Variants in LEPR observed in about 807,000 individuals in gnomAD.
The protein encoded by LEPR is leptin receptor.
In LEPR, 56 loss-of-function variants were observed where a neutral mutation model predicts 114.7. The ratio of observed to expected loss-of-function variants is 0.49; its 90% CI spans 0.39 to 0.61. The LOEUF is 0.61. Ranked by LOEUF, LEPR falls within the 20% of genes least tolerant of loss-of-function variation. The pLI is 0.00. For missense variants in LEPR, 1,202 were observed against 1,352.9 expected, an observed-to-expected ratio of 0.89 and a Z score of 1.75; for synonymous variants, 443 against 461.4, an observed-to-expected ratio of 0.96 and a Z score of 0.51.
At chr1:65,615,787 A>C (rs1657490021) in intron 14 of LEPR, among the ~76,000 whole-genome samples, 1 of 152,162 alleles carries the variant, frequency 6.6e-6, no homozygotes, top group Non-Finnish European at 1.5e-5. Context: ...AGGGGAAAAT[A>C]AGTTTGCTAT....
At chr1:65,489,770 A>G (rs545303251) in intron 2 of LEPR, among the ~76,000 whole-genome samples, 2 of 152,240 alleles carry the variant, frequency 1.3e-5, no homozygotes, top group East Asian at 1.9e-4. Context: ...CTTCAACCAA[A>G]TCAACCAACA....
intron 2 of LEPR, among the ~76,000 whole-genome samples, chr1:65,499,185 A>G (rs1293794205): frequency 2.0e-5 from 3 of 152,150 alleles, no homozygotes; most frequent in East Asian, 1.9e-4. Flanking sequence ...AAGCTATTAA[A>G]TGCTTATAAG....
At chr1:65,467,671 C>T (rs934612274) in intron 2 of LEPR, among the ~76,000 whole-genome samples, 1 of 152,230 alleles carries the variant, frequency 6.6e-6, no homozygotes, top group Non-Finnish European at 1.5e-5. Flanking sequence ...GTGAGCCTTG[C>T]CGTGCTGCGG....
rs1379651445 is a variant in LEPR, at chr1:65,427,839, C to T, written c.-21+2461C>T. The T allele has an allele frequency of 8.2e-6, 3 of 365,148 alleles. No homozygotes were observed. The East Asian group carries it at 2.5e-4, about 31-fold the overall frequency. 22.6% of individuals were successfully genotyped at this position (365,148 alleles called of 1,614,324 possible). A position where few individuals can be genotyped will look rare whatever the true frequency, so the allele number is the denominator to read the frequency against. On this transcript the variant is annotated intron_variant, in intron 2 of 19. Transcript: ENST00000349533. Reference sequence around the variant, plus strand: ...AAGTTTTTGTAGAGACCGAGTCTCTCTGTGTTGCTCAGGCTGGTCTTGAAC... The same window carrying T: ...AAGTTTTTGTAGAGACCGAGTCTCTTTGTGTTGCTCAGGCTGGTCTTGAAC...
intron 2 of LEPR, among the ~76,000 whole-genome samples, chr1:65,480,110 T>C (rs915091701): frequency 1.3e-5 from 2 of 151,996 alleles, no homozygotes; most frequent in African/African-American, 4.8e-5. Flanking sequence ...ACCACACCAA[T>C]GGACAATGAG....
intron 2 of LEPR, 95 bp from the exon 3 acceptor site, chr1:65,565,451 C>T: frequency 1.7e-6 from 2 of 1,201,252 alleles, no homozygotes; most frequent in Non-Finnish European, 1.2e-6. Flanking sequence ...AGAGACTTAT[C>T]TATAATCCCT....
rs1266207392 is a variant in LEPR at position 65,440,525 on chromosome 1, A to G, written c.-21+15147A>G. Among the ~76,000 whole-genome samples, 3 of 152,180 alleles carry G rather than the reference A, an allele frequency of 2.0e-5. No homozygotes were observed. In the East Asian group the frequency reaches 5.8e-4, roughly 29 times the overall value. ...TGACGGTGGCTTCTGTTTAAGATAC[A>G]GTGCCCAAGAAAGGCTTACCTAGAA... On this transcript the variant is annotated intron_variant, in intron 2 of 19. Coordinates refer to ENST00000349533, the MANE Select transcript of LEPR (RefSeq NM_002303.6).
intron 16 of LEPR, among the ~76,000 whole-genome samples, 186 bp from the exon 17 acceptor site, chr1:65,619,742 A>G (rs966286671): frequency 6.6e-6 from 1 of 152,156 alleles, no homozygotes; most frequent in African/African-American, 2.4e-5. Flanking sequence ...AACTATTGTC[A>G]TGACTAGATA....
Position 65,549,322 on chromosome 1 carries a change from G to A in LEPR, c.-20-16224G>A, listed in dbSNP as rs535213858. On this transcript the variant is annotated intron_variant, in intron 2 of 19. Coordinates refer to ENST00000349533, the MANE Select transcript of LEPR (RefSeq NM_002303.6). The stretch of plus-strand genomic sequence containing the variant: ...TCTTCTCGAGGAGTATCTTTGTGGC[G>A]TTCTCTGTATTTCCTGAATCTGAAT... Among the ~76,000 whole-genome samples, 614 of 139,996 alleles carry A rather than the reference G, an allele frequency of 4.4e-3. 3 individuals carry two copies. The highest frequency in any genetic ancestry group is 0.015 in the African/African-American group (565 of 36,678). The allele number at this position is 139,996 out of a possible 152,430, so 91.8% of individuals were successfully genotyped here. A position where few individuals can be genotyped will look rare whatever the true frequency, so the allele number is the denominator to read the frequency against.
intron 2 of LEPR, among the ~76,000 whole-genome samples, chr1:65,500,445 C>T (rs1271895330): frequency 6.6e-6 from 1 of 152,120 alleles, no homozygotes; most frequent in Admixed American, 6.6e-5. Context: ...TTCACTTATA[C>T]ACAGATTTTC....
In LEPR at chr1:65,465,530, G is replaced by A. The variant is rs1358041834; in HGVS notation, c.-21+40152G>A. Among the ~76,000 whole-genome samples the A allele has an allele frequency of 3.3e-5, 5 of 152,176 alleles. No homozygotes were observed. The East Asian group carries it at 9.6e-4, about 29-fold the overall frequency. On this transcript the variant is annotated intron_variant, in intron 2 of 19. Coordinates refer to ENST00000349533, the MANE Select transcript of LEPR (RefSeq NM_002303.6). The stretch of plus-strand genomic sequence containing the variant: ...ATTTGGGGTGGAGAATTCTGTAGAT[G>A]TCTATTAGGTCCACTTGGTCCAGAG...
chr1:65,507,452 T>TGTGTGTGA (rs1334545094), intron 2 of LEPR, among the ~76,000 whole-genome samples: 1 of 133,026 alleles, frequency 7.5e-6, no homozygotes, highest in African/African-American at 2.5e-5. Context: ...TGTGTGTGTG[T>TGTGTGTGA]GTGTGTGTAT....
intron 2 of LEPR, among the ~76,000 whole-genome samples, chr1:65,518,931 T>G (rs1345689349): frequency 1.4e-5 from 2 of 147,742 alleles, no homozygotes; most frequent in Non-Finnish European, 3.0e-5. Flanking sequence ...CTTTCTCTGT[T>G]TCTTTCTTTC....
At chr1:65,634,482 A>G in intron 19 of LEPR, 1 of 944,626 alleles carries the variant, frequency 1.1e-6, no homozygotes, top group Non-Finnish European at 1.3e-6. Context: ...TTAAATGGAT[A>G]TACTTTTAAT....
At chr1:65,574,408 A>G (rs955824782) in intron 5 of LEPR, among the ~76,000 whole-genome samples, 3 of 152,216 alleles carry the variant, frequency 2.0e-5, no homozygotes, top group Non-Finnish European at 4.4e-5. Flanking sequence ...AATAATAAAA[A>G]AAATTTAAAT....
intron 2 of LEPR, among the ~76,000 whole-genome samples, chr1:65,558,449 T>G (rs1214925997): frequency 6.9e-6 from 1 of 145,480 alleles, no homozygotes; most frequent in East Asian, 2.0e-4. Flanking sequence ...CAATTCTCAC[T>G]TATCATATGG....
intron 8 of LEPR, among the ~76,000 whole-genome samples, chr1:65,600,981 A>G (rs190208643): frequency 1.3e-5 from 2 of 152,128 alleles, no homozygotes; most frequent in South Asian, 2.1e-4. Context: ...ATTTGGCTTC[A>G]TAGTGATTTG....
Position 65,572,296 on chromosome 1 carries a change from T to TG in LEPR, c.371-30_371-29insG. 2.9e-6 allele frequency: 4 copies of TG among 1,388,190 alleles called. No homozygotes were observed. The South Asian group carries it at 4.2e-5, about 15-fold the overall frequency. The allele number at this position is 1,388,190 out of a possible 1,614,324, so 86.0% of individuals were successfully genotyped here. A position where few individuals can be genotyped will look rare whatever the true frequency, so the allele number is the denominator to read the frequency against. ...TTTGAGATTTCATGTAGTTGTTTTT[T>TG]TTTTTTTTTTTTTTTTTTTTTAAAT... On this transcript the variant is annotated intron_variant, in intron 4 of 19. Coordinates refer to ENST00000349533, the MANE Select transcript of LEPR (RefSeq NM_002303.6).
At chr1:65,627,108 C>T (rs1658263878) in intron 19 of LEPR, among the ~76,000 whole-genome samples, 1 of 152,114 alleles carries the variant, frequency 6.6e-6, no homozygotes, top group Admixed American at 6.6e-5. Context: ...CAGAGTGGTT[C>T]AGTAGCTTGT....
Sources: allele counts gnomAD v4.1 joint callset (sites outside exome capture counted in the v4.1 genomes callset), GRCh38; gene constraint gnomAD v4.1.1; transcripts MANE v1.5; gene names NCBI Gene and HGNC (gene_info 2026-07-23, HGNC 2026-07-21).